The following CFAP299 variants were observed in gnomAD, a reference collection of about 807,000 sequenced individuals.
CFAP299 encodes cilia- and flagella-associated protein 299.
Under a neutral mutation model 27.0 loss-of-function variants are expected in CFAP299, and 21 were observed. That is an observed-to-expected ratio of 0.78 (90% CI 0.55 to 1.12). CFAP299 has a LOEUF of 1.12. CFAP299 is among the 50% of genes most tolerant of loss of function. The pLI, the probability that CFAP299 is intolerant of heterozygous loss-of-function variation, is 0.00. For missense variants in CFAP299, 310 were observed against 276.6 expected (o/e 1.12, Z -0.86); for synonymous variants, 104 against 98.1 (o/e 1.06, Z -0.36).
chr4:80,623,021 G>A (rs1284465986), intron 3 of CFAP299, among the ~76,000 whole-genome samples: 2 of 152,070 alleles, frequency 1.3e-5, no homozygotes, highest in African/African-American at 4.8e-5. Context: ...TAAAAAAGTG[G>A]AAATTAAGTT....
intron 2 of CFAP299, chr4:80,387,990 C>G: frequency 1.4e-6 from 1 of 726,918 alleles, no homozygotes; most frequent in Non-Finnish European, 2.4e-6. Flanking sequence ...ACTGGAGCCT[C>G]CACACACTGG....
chr4:80,327,876 C>A, the CFAP299 span, among the ~76,000 whole-genome samples: 2 of 150,686 alleles, frequency 1.3e-5, no homozygotes, highest in Non-Finnish European at 3.0e-5. Flanking sequence ...GAAGTTTAGC[C>A]AAGGTGGTGG....
chr4:80,359,144 G>A (rs963936282), intron 1 of CFAP299, among the ~76,000 whole-genome samples: 1 of 152,012 alleles, frequency 6.6e-6, no homozygotes, highest in South Asian at 2.1e-4. Flanking sequence ...TTGAATATTG[G>A]CCCCCAATCT....
intron 4 of CFAP299, among the ~76,000 whole-genome samples, chr4:80,916,250 GAAATATATATATATATATAT>G (rs2110207428): frequency 2.2e-5 from 1 of 45,612 alleles, no homozygotes; most frequent in Non-Finnish European, 4.5e-5. Context: ...CAACTAGACT[GAAATATATATATATATATAT>G]ATATATATAT....
chr4:80,787,210 A>G (rs974293545), intron 3 of CFAP299, among the ~76,000 whole-genome samples: 7 of 148,132 alleles, frequency 4.7e-5, no homozygotes, highest in Non-Finnish European at 1.0e-4. Context: ...ATATATATAT[A>G]ATATTTTATA....
intron 4 of CFAP299, among the ~76,000 whole-genome samples, chr4:80,901,418 T>C (rs1322642053): frequency 6.6e-6 from 1 of 152,152 alleles, no homozygotes; most frequent in Non-Finnish European, 1.5e-5. Context: ...GGGTGTTTTT[T>C]GAAACATTCT....
chr4:80,638,239 T>C (rs888718637), intron 3 of CFAP299, among the ~76,000 whole-genome samples: 11 of 152,156 alleles, frequency 7.2e-5, no homozygotes, highest in Non-Finnish European at 1.3e-4. Flanking sequence ...TCCCCCTACT[T>C]GGAGAACTTT....
At chr4:80,842,626 C>T (rs375321840) in intron 3 of CFAP299, among the ~76,000 whole-genome samples, 13 of 152,154 alleles carry the variant, frequency 8.5e-5, no homozygotes, top group South Asian at 8.3e-4. Flanking sequence ...TAACAATAGC[C>T]GAGGCTTGTG....
intron 2 of CFAP299, among the ~76,000 whole-genome samples, chr4:80,504,496 TATATATA>T (rs1560598360): frequency 9.1e-5 from 12 of 131,348 alleles, no homozygotes; most frequent in Non-Finnish European, 1.2e-4. Context: ...TATATATATA[TATATATA>T]TATTTTCCTT....
chr4:80,758,791 T>G (rs1364488489), intron 3 of CFAP299, among the ~76,000 whole-genome samples: 1 of 152,236 alleles, frequency 6.6e-6, no homozygotes, highest in South Asian at 2.1e-4. Flanking sequence ...TGTGAAGGTA[T>G]GTTTTCTAAG....
chr4:80,388,547 T>C, intron 2 of CFAP299: 1 of 1,450,992 alleles, frequency 6.9e-7, no homozygotes, highest in African/African-American at 1.4e-5. Flanking sequence ...CTTCTTACAC[T>C]TCCCACAGAG....
Position 80,412,607 on chromosome 4 carries a change from A to G in CFAP299, c.242+49723A>G, listed in dbSNP as rs376226857. ...TGAAGGATTTGTATTAAGTAAGATA[A>G]CTGGGAGACATGGGCATAGACAATG... On this transcript the variant is annotated intron_variant, in intron 2 of 5. Transcript: ENST00000358105. 8.4e-4 allele frequency among the ~76,000 whole-genome samples: 128 copies of G among 152,316 alleles called. 2 individuals are homozygous for G. In the South Asian group the frequency reaches 0.012, roughly 15 times the overall value.
chr4:80,339,328 G>A (rs1443355571), intron 1 of CFAP299, among the ~76,000 whole-genome samples: 2 of 152,036 alleles, frequency 1.3e-5, no homozygotes, highest in East Asian at 3.9e-4. Context: ...TATTCTTTTT[G>A]GTCGTGAGTT....
intron 2 of CFAP299, among the ~76,000 whole-genome samples, chr4:80,451,941 A>G (rs1560573750): frequency 6.6e-6 from 1 of 152,342 alleles, no homozygotes; most frequent in East Asian, 1.9e-4. Context: ...ACACTAGGGT[A>G]TGTGCTAAGA....
chr4:80,402,892 C>G (rs1221121759), intron 2 of CFAP299, among the ~76,000 whole-genome samples: 1 of 152,134 alleles, frequency 6.6e-6, no homozygotes, highest in African/African-American at 2.4e-5. Context: ...TACCACCTGA[C>G]AATATTGGGT....
chr4:80,391,207 C>T (rs962968141), intron 2 of CFAP299, among the ~76,000 whole-genome samples: 1 of 152,168 alleles, frequency 6.6e-6, no homozygotes, highest in South Asian at 2.1e-4. Flanking sequence ...ATCTTTTCAA[C>T]ATGATAATTT....
chr4:80,920,302 C>T (rs1371048006), intron 4 of CFAP299, among the ~76,000 whole-genome samples: 2 of 152,100 alleles, frequency 1.3e-5, no homozygotes, highest in South Asian at 4.1e-4. Flanking sequence ...GGAAACATTT[C>T]CTCACTGAAC....
intron 3 of CFAP299, among the ~76,000 whole-genome samples, chr4:80,703,599 G>C (rs1470307056): frequency 6.6e-6 from 1 of 151,346 alleles, no homozygotes; most frequent in Non-Finnish European, 1.5e-5. Flanking sequence ...AGATTGTGAG[G>C]TATTTTTTTT....
chr4:80,859,791 G>C (rs1181774953), intron 3 of CFAP299, among the ~76,000 whole-genome samples: 1 of 152,174 alleles, frequency 6.6e-6, no homozygotes, highest in African/African-American at 2.4e-5. Context: ...TTGTTAGTCT[G>C]ATCCACTTCC....
Sources: allele counts gnomAD v4.1 joint callset (sites outside exome capture counted in the v4.1 genomes callset), GRCh38; gene constraint gnomAD v4.1.1; transcripts MANE v1.5; gene names NCBI Gene and HGNC (gene_info 2026-07-23, HGNC 2026-07-21).